Variants in BLTP1 observed in about 807,000 individuals in gnomAD.
The protein encoded by BLTP1 is bridge-like lipid transfer protein family member 1.
At chr4:122,355,990 G>A in the BLTP1 span, 2 of 1,581,594 alleles carry the variant, frequency 1.3e-6, no homozygotes, top group Non-Finnish European at 1.7e-6. Context: ...TTCATTACAG[G>A]GTATGTAGAA....
the BLTP1 span, among the ~76,000 whole-genome samples, chr4:122,265,376 T>C: frequency 1.3e-5 from 2 of 152,366 alleles, no homozygotes; most frequent in South Asian, 4.1e-4. Context: ...TTTTAATTGT[T>C]ACATTGTTAT....
At chr4:122,227,423 T>C in the BLTP1 span, 1 of 985,078 alleles carries the variant, frequency 1.0e-6, no homozygotes, top group South Asian at 4.7e-5. Flanking sequence ...CAATAAATAC[T>C]CTCCCTTATG....
the BLTP1 span, among the ~76,000 whole-genome samples, chr4:122,320,371 A>T: frequency 6.6e-6 from 1 of 151,958 alleles, no homozygotes; most frequent in South Asian, 2.1e-4. Context: ...GGCTGGTCTC[A>T]AACTCCTGGC....
chr4:122,262,658 G>A, the BLTP1 span: 28 of 1,349,070 alleles, frequency 2.1e-5, no homozygotes, highest in Non-Finnish European at 2.8e-5. Context: ...GTATTAATGT[G>A]CAAAGTAGCT....
At chr4:122,239,649 A>G in the BLTP1 span, 2 of 1,614,024 alleles carry the variant, frequency 1.2e-6, no homozygotes, top group Non-Finnish European at 1.7e-6. Flanking sequence ...AAGTACTAAG[A>G]GTCTTACTGC....
chr4:122,237,707 C>G, the BLTP1 span: 4 of 566,560 alleles, frequency 7.1e-6, no homozygotes, highest in African/African-American at 8.1e-5. Context: ...GAATTAGTCA[C>G]TTGTGCTTTT....
At chr4:122,349,558 T>A in the BLTP1 span, 2 of 1,612,760 alleles carry the variant, frequency 1.2e-6, no homozygotes, top group Non-Finnish European at 1.7e-6. The surrounding 1 kb of genome is among the most constrained non-coding windows in gnomAD (Gnocchi z 4.5). Context: ...CTCATGGGCA[T>A]CTTCAGTAAT....
the BLTP1 span, chr4:122,189,564 TTATTAA>T: frequency 2.2e-5 from 17 of 777,906 alleles, no homozygotes; most frequent in African/African-American, 1.9e-4. Flanking sequence ...TACTTATTAG[TTATTAA>T]TATTAAGTGG....
the BLTP1 span, chr4:122,327,765 A>AC: frequency 6.4e-6 from 1 of 155,556 alleles, no homozygotes; most frequent in African/African-American, 2.4e-5. Context: ...TTCCATCACT[A>AC]ATTGCTCTTG....
chr4:122,271,384 C>G, the BLTP1 span: 6 of 1,613,746 alleles, frequency 3.7e-6, no homozygotes, highest in African/African-American at 1.3e-5. Flanking sequence ...GTTCATCTGA[C>G]TTTAGCCGCA....
the BLTP1 span, chr4:122,220,594 A>G: frequency 1.3e-6 from 1 of 780,190 alleles, no homozygotes; most frequent in South Asian, 1.8e-5. Context: ...CTTTTAAGTT[A>G]ACTGTATTAA....
the BLTP1 span, chr4:122,175,093 A>C: frequency 2.1e-6 from 2 of 963,742 alleles, no homozygotes; most frequent in South Asian, 9.6e-5. Flanking sequence ...TGAATATAAT[A>C]AGGATATGAT....
At chr4:122,205,249 A>G in the BLTP1 span, among the ~76,000 whole-genome samples, 1 of 151,864 alleles carries the variant, frequency 6.6e-6, no homozygotes, top group Non-Finnish European at 1.5e-5. Flanking sequence ...TCCTTAGGAT[A>G]TCTTTAATAA....
chr4:122,199,249 A>G, the BLTP1 span: 3 of 1,459,566 alleles, frequency 2.1e-6, no homozygotes, highest in East Asian at 4.9e-5. Context: ...AGTGACTACC[A>G]TTTTTCAAGG....
At chr4:122,339,305 A>T in the BLTP1 span, 1 of 1,613,754 alleles carries the variant, frequency 6.2e-7, no homozygotes, top group Non-Finnish European at 8.5e-7. Context: ...ACCGAGGAGA[A>T]CTGGAGACTT....
chr4:122,242,311 C>T, the BLTP1 span, among the ~76,000 whole-genome samples: 3 of 152,158 alleles, frequency 2.0e-5, no homozygotes, highest in South Asian at 2.1e-4. Context: ...AGTAGGAAAT[C>T]GTGTCATTTG....
chr4:122,299,053 G>T, the BLTP1 span: 1 of 985,022 alleles, frequency 1.0e-6, no homozygotes, highest in Non-Finnish European at 1.2e-6. Flanking sequence ...TGCTTGCTAG[G>T]ATCCACATAT....
the BLTP1 span, chr4:122,178,301 A>G: frequency 4.2e-6 from 1 of 240,932 alleles, no homozygotes; most frequent in Non-Finnish European, 6.7e-6. Context: ...ATAGTTTACT[A>G]ATGATACCTG....
the BLTP1 span, chr4:122,347,503 TTTG>T: frequency 3.8e-6 from 6 of 1,593,954 alleles, no homozygotes; most frequent in African/African-American, 8.1e-5. Context: ...TTTTGTTTGT[TTTG>T]TTTGTTTTCT....
Sources: gnomAD v4.1 joint callset for allele counts (sites outside exome capture counted in the v4.1 genomes callset) on GRCh38, gnomAD v4.1.1 for gene constraint, Gnocchi (gnomAD v3.1) non-coding constraint, MANE v1.5 for transcripts, NCBI Gene and HGNC (gene_info 2026-07-23, HGNC 2026-07-21) for gene names.